PRIM2: variants seen among roughly 807,000 people sequenced by gnomAD.
The protein encoded by PRIM2 is DNA primase subunit 2, also known as DNA primase large subunit.
In PRIM2, 39 loss-of-function variants were observed where a neutral mutation model predicts 67.3. The observed-to-expected ratio is 0.58, with a 90% CI of 0.45 to 0.76. The LOEUF (loss-of-function observed/expected upper bound fraction) is 0.76. Among genes scored for constraint, PRIM2 ranks in the 30% least tolerant of loss-of-function variants. The pLI is 0.00. For missense variants in PRIM2, 398 were observed against 598.7 expected, an observed-to-expected ratio of 0.66 and a Z score of 3.50; for synonymous variants, 143 against 198.7, an observed-to-expected ratio of 0.72 and a Z score of 2.36.
chr6:57,617,258 G>A (rs1776772051), intron 12 of PRIM2, among the ~76,000 whole-genome samples: 1 of 152,100 alleles, frequency 6.6e-6, no homozygotes, highest in Non-Finnish European at 1.5e-5. Flanking sequence ...TCTTTGCTCT[G>A]TGCATTCTTT....
chr6:57,632,837 T>C (rs1421527953), intron 13 of PRIM2, among the ~76,000 whole-genome samples: 51 of 152,366 alleles, frequency 3.3e-4, no homozygotes, highest in African/African-American at 1.1e-3. Context: ...CTCATACTTA[T>C]CTGCATGGCA....
chr6:57,314,411 G>A (rs1178601210), upstream of PRIM2, among the ~76,000 whole-genome samples: 1 of 152,232 alleles, frequency 6.6e-6, no homozygotes, highest in Non-Finnish European at 1.5e-5. Flanking sequence ...AGCTACTCGG[G>A]AGGCTGAGGT....
intron 7 of PRIM2, among the ~76,000 whole-genome samples, chr6:57,418,259 G>A (rs1771336123): frequency 6.6e-6 from 1 of 151,582 alleles, no homozygotes; most frequent in Admixed American, 6.6e-5. Flanking sequence ...ATAGAACAAA[G>A]TTTATTTTGG....
chr6:57,395,458 C>T (rs1770489399), intron 7 of PRIM2, among the ~76,000 whole-genome samples: 1 of 152,088 alleles, frequency 6.6e-6, no homozygotes, highest in Non-Finnish European at 1.5e-5. Context: ...TAAAGGTGTT[C>T]ATAGTAGCCT....
intron 12 of PRIM2, among the ~76,000 whole-genome samples, chr6:57,612,821 G>T (rs1776690562): frequency 7.0e-6 from 1 of 143,462 alleles, no homozygotes; most frequent in South Asian, 2.2e-4. Flanking sequence ...AATAGACAGG[G>T]TCTTGCTCTG....
At chr6:57,510,174 G>T (rs1320457096) in intron 8 of PRIM2, among the ~76,000 whole-genome samples, 2 of 152,126 alleles carry the variant, frequency 1.3e-5, no homozygotes, top group Non-Finnish European at 2.9e-5. Context: ...ATGCTTGAAA[G>T]CTTGTAAAGT....
chr6:57,227,218 A>G, the PRIM2 span, among the ~76,000 whole-genome samples: 1 of 152,218 alleles, frequency 6.6e-6, no homozygotes, highest in South Asian at 2.1e-4. Flanking sequence ...CTCATGGTAA[A>G]TAAGGAAACG....
chr6:57,618,977 T>C (rs1776803915), intron 12 of PRIM2, among the ~76,000 whole-genome samples: 1 of 152,176 alleles, frequency 6.6e-6, no homozygotes, highest in South Asian at 2.1e-4. Context: ...AGCACAAAAA[T>C]GGAGCATTAA....
chr6:57,340,842 A>G (rs1318845887), intron 5 of PRIM2, among the ~76,000 whole-genome samples: 1 of 152,188 alleles, frequency 6.6e-6, no homozygotes, highest in Non-Finnish European at 1.5e-5. Flanking sequence ...TGTACCCTAA[A>G]ACTTAAAGTA....
chr6:57,599,738 T>G (rs2127491047), intron 10 of PRIM2, among the ~76,000 whole-genome samples: 1 of 152,382 alleles, frequency 6.6e-6, no homozygotes, highest in Non-Finnish European at 1.5e-5. Context: ...TACTCCTTGG[T>G]CTACTATAGC....
At chr6:57,562,074 A>T in intron 10 of PRIM2, among the ~76,000 whole-genome samples, 1 of 152,272 alleles carries the variant, frequency 6.6e-6, no homozygotes, top group Non-Finnish European at 1.5e-5. Flanking sequence ...CACAACATTT[A>T]TCAACTAAGT....
chr6:57,299,285 GATAAA>G, the PRIM2 span, among the ~76,000 whole-genome samples: 1 of 151,630 alleles, frequency 6.6e-6, no homozygotes, highest in Non-Finnish European at 1.5e-5. Context: ...TTTTCAACTT[GATAAA>G]ATAAAAAAAA....
intron 7 of PRIM2, among the ~76,000 whole-genome samples, chr6:57,484,710 T>C (rs1347154238): frequency 6.6e-6 from 1 of 152,170 alleles, no homozygotes; most frequent in African/African-American, 2.4e-5. Flanking sequence ...TTACATTTGC[T>C]TTTTCTTCAT....
chr6:57,300,552 T>G, the PRIM2 span, among the ~76,000 whole-genome samples: 2 of 152,178 alleles, frequency 1.3e-5, no homozygotes, highest in Non-Finnish European at 2.9e-5. Context: ...CTGTGTGCCT[T>G]CTAGTTTGAA....
chr6:57,508,467 T>A (rs1322834955), intron 8 of PRIM2, among the ~76,000 whole-genome samples: 3 of 152,212 alleles, frequency 2.0e-5, no homozygotes, highest in Admixed American at 2.0e-4. Flanking sequence ...AGTTTTTTAT[T>A]CCTTCTATAA....
At chr6:57,469,503 C>A (rs1773286461) in intron 7 of PRIM2, among the ~76,000 whole-genome samples, 1 of 152,166 alleles carries the variant, frequency 6.6e-6, no homozygotes, top group African/African-American at 2.4e-5. Context: ...ACACTGTGAT[C>A]TTACGATGTG....
chr6:57,397,423 GCTCTGGTTTTCTTT>G (rs1446212516), intron 7 of PRIM2, among the ~76,000 whole-genome samples: 1 of 152,018 alleles, frequency 6.6e-6, no homozygotes, highest in Non-Finnish European at 1.5e-5. Flanking sequence ...TTGTCTTCAA[GCTCTGGTTTTCTTT>G]CTTCTACTTG....
chr6:57,452,180 T>A (rs1294288191), intron 7 of PRIM2, among the ~76,000 whole-genome samples: 2 of 152,216 alleles, frequency 1.3e-5, no homozygotes, highest in African/African-American at 2.4e-5. Context: ...ATCAAGTCTA[T>A]CATTGATGGA....
chr6:57,368,253 C>T (rs1160966041), intron 5 of PRIM2, among the ~76,000 whole-genome samples: 1 of 150,926 alleles, frequency 6.6e-6, no homozygotes, highest in South Asian at 2.1e-4. Context: ...CTGTTTAGAC[C>T]AGTGATGTAT....
Sources: allele counts gnomAD v4.1 joint callset (sites outside exome capture counted in the v4.1 genomes callset), GRCh38; gene constraint gnomAD v4.1.1; transcripts MANE v1.5; gene names NCBI Gene and HGNC (gene_info 2026-07-23, HGNC 2026-07-21).